Variants in MRPS9 observed in about 807,000 individuals in gnomAD.
MRPS9 encodes the protein mitochondrial ribosomal protein S9, also known as small ribosomal subunit protein uS9m.
Under a neutral mutation model 59.9 loss-of-function variants are expected in MRPS9, and 45 were observed. That is an observed-to-expected ratio of 0.75 (90% CI 0.59 to 0.96). The LOEUF (loss-of-function observed/expected upper bound fraction) is 0.96, where lower values mean the gene tolerates loss of function less well. MRPS9 is among the 40% of genes least tolerant of loss of function. MRPS9 has a pLI of 0.00. For missense variants in MRPS9, 473 were observed against 481.1 expected, an observed-to-expected ratio of 0.98 and a Z score of 0.16; for synonymous variants, 171 against 166.8, an observed-to-expected ratio of 1.03 and a Z score of -0.19.
At chr2:105,053,782 G>A (rs73945016) in intron 2 of MRPS9, among the ~76,000 whole-genome samples, 29,873 of 152,098 alleles carry the variant, frequency 0.2, 3,012 homozygotes, top group Middle Eastern at 0.32. Context: ...TTAAAACTCT[G>A]TGTGTGTATA....
chr2:105,078,564 A>G (rs1057044798), intron 4 of MRPS9, among the ~76,000 whole-genome samples: 2 of 152,174 alleles, frequency 1.3e-5, no homozygotes, highest in Admixed American at 1.3e-4. Context: ...GATTTTGGAA[A>G]AGTGCTGAAA....
intron 4 of MRPS9, among the ~76,000 whole-genome samples, chr2:105,075,626 A>G (rs1191702447): frequency 2.6e-5 from 4 of 152,218 alleles, no homozygotes; most frequent in Non-Finnish European, 5.9e-5. Context: ...AAAGAAAGCT[A>G]TAGTCTGTTG....
intron 1 of MRPS9, among the ~76,000 whole-genome samples, chr2:105,045,661 C>T (rs909758458): frequency 6.7e-6 from 1 of 149,180 alleles, no homozygotes; most frequent in Non-Finnish European, 1.5e-5. Flanking sequence ...CTGAACGGTA[C>T]AATCTACCCT....
chr2:105,066,168 A>T (rs1161086681), intron 2 of MRPS9, among the ~76,000 whole-genome samples: 1 of 151,848 alleles, frequency 6.6e-6, no homozygotes, highest in African/African-American at 2.4e-5. Flanking sequence ...TTTTTCTTTC[A>T]TCTTTTGTTT....
At position 105,080,914 on chromosome 2, in the gene MRPS9, A is replaced by AGG. The variant is rs879655875; in HGVS notation, c.489+852_489+853insGG. On this transcript the variant is annotated intron_variant, in intron 5 of 10. Transcript: ENST00000258455. ...CAGGTACATTTATTTCTTGGGGGAA[A>AGG]AAAAAAAACAACCTTCTTTTCGCTT... Among the ~76,000 whole-genome samples, 826 of 144,830 alleles carry AGG rather than the reference A, an allele frequency of 5.7e-3. 4 individuals are homozygous for AGG. The highest frequency in any genetic ancestry group is 0.01 in the Non-Finnish European group (665 of 64,284).
intron 8 of MRPS9, among the ~76,000 whole-genome samples, chr2:105,093,143 A>G (rs1680593385): frequency 1.3e-5 from 2 of 152,176 alleles, no homozygotes; most frequent in Admixed American, 6.6e-5. Flanking sequence ...GTTATATTTC[A>G]TCATACTATT....
chr2:105,092,743 T>C (rs997933845), intron 8 of MRPS9, among the ~76,000 whole-genome samples, 174 bp downstream of exon 8: 1 of 152,228 alleles, frequency 6.6e-6, no homozygotes, highest in African/African-American at 2.4e-5. Context: ...AAAACTGAAC[T>C]GTATAATATC....
chr2:105,067,198 A>G (rs1452801164), intron 2 of MRPS9, among the ~76,000 whole-genome samples: 2 of 152,184 alleles, frequency 1.3e-5, no homozygotes, highest in Admixed American at 6.5e-5. Context: ...TAATAATTCT[A>G]TATGCCATAT....
intron 4 of MRPS9, among the ~76,000 whole-genome samples, chr2:105,074,633 A>G (rs568242907): frequency 6.6e-6 from 1 of 152,232 alleles, no homozygotes; most frequent in Admixed American, 6.5e-5. Flanking sequence ...TTAAAAGCAC[A>G]TGGAGTTTAA....
At chr2:105,067,784 A>G (rs1451664619) in intron 2 of MRPS9, among the ~76,000 whole-genome samples, 2 of 149,876 alleles carry the variant, frequency 1.3e-5, no homozygotes, top group Non-Finnish European at 3.0e-5. Flanking sequence ...GTGCATGCAC[A>G]TGAATGTGCA....
intron 10 of MRPS9, 83 bp downstream of exon 10, chr2:105,097,407 C>T (rs1198156036): frequency 8.6e-6 from 11 of 1,273,572 alleles, no homozygotes; most frequent in African/African-American, 6.2e-5. Context: ...GCCTGAAGTT[C>T]GTAAGAAAAT....
At chr2:105,079,954 T>C (rs1680295621) in intron 4 of MRPS9, 29 bp from the exon 5 acceptor site, 1 of 1,568,532 alleles carries the variant, frequency 6.4e-7, no homozygotes, top group African/African-American at 1.4e-5. Context: ...TATATTTTTA[T>C]TTGCTTTCAT....
intron 2 of MRPS9, among the ~76,000 whole-genome samples, chr2:105,061,821 C>T (rs529639363): frequency 3.9e-5 from 6 of 152,230 alleles, no homozygotes; most frequent in South Asian, 2.1e-4. Flanking sequence ...CCTCCTAGAA[C>T]GTAAGATGGA....
At chr2:105,099,021 C>T (rs994313837) in intron 10 of MRPS9, among the ~76,000 whole-genome samples, 2 of 152,044 alleles carry the variant, frequency 1.3e-5, no homozygotes, top group Non-Finnish European at 2.9e-5. Context: ...GAAAGTTTCC[C>T]GTTTAAACTG....
chr2:105,082,245 A>T (rs932993576), intron 5 of MRPS9, among the ~76,000 whole-genome samples: 2 of 151,872 alleles, frequency 1.3e-5, no homozygotes, highest in Non-Finnish European at 2.9e-5. Flanking sequence ...TGTTGATATA[A>T]TTTTTTCCCT....
intron 2 of MRPS9, among the ~76,000 whole-genome samples, chr2:105,067,815 G>T (rs1052440696): frequency 6.6e-6 from 1 of 151,726 alleles, no homozygotes; most frequent in Non-Finnish European, 1.5e-5. Context: ...TGAGTGTGTT[G>T]TGAAGCATTA....
chr2:105,046,063 A>G (rs918345137), intron 1 of MRPS9, among the ~76,000 whole-genome samples: 9 of 151,970 alleles, frequency 5.9e-5, no homozygotes, highest in African/African-American at 2.2e-4. Context: ...ATGGGGTCTC[A>G]CAATGTTGGC....
At chr2:105,093,144 T>C (rs905770389) in intron 8 of MRPS9, among the ~76,000 whole-genome samples, 8 of 152,200 alleles carry the variant, frequency 5.3e-5, no homozygotes, top group African/African-American at 1.9e-4. Context: ...TTATATTTCA[T>C]CATACTATTT....
At chr2:105,069,850 A>C (rs1466999950) in intron 2 of MRPS9, among the ~76,000 whole-genome samples, 3 of 88,300 alleles carry the variant, frequency 3.4e-5, no homozygotes, top group Non-Finnish European at 7.8e-5. Flanking sequence ...CATCTCTACA[A>C]AAAAAAAAAA....
Sources: allele counts gnomAD v4.1 joint callset (sites outside exome capture counted in the v4.1 genomes callset), GRCh38; gene constraint gnomAD v4.1.1; transcripts MANE v1.5; gene names NCBI Gene and HGNC (gene_info 2026-07-23, HGNC 2026-07-21).